RBPMS: variants seen among roughly 807,000 people sequenced by gnomAD.
RBPMS encodes RNA binding protein, mRNA processing factor.
In RBPMS, 7 loss-of-function variants were observed where a neutral mutation model predicts 26.8. The observed-to-expected ratio is 0.26, with a 90% CI of 0.15 to 0.49. The LOEUF is 0.49. Ranked by LOEUF, RBPMS falls within the 20% of genes least tolerant of loss-of-function variation. The pLI is 0.98. For synonymous variants in RBPMS, 96 were observed against 93.3 expected, an observed-to-expected ratio of 1.03 and a Z score of -0.17; for missense variants, 186 against 250.0, an observed-to-expected ratio of 0.74 and a Z score of 1.73.
intron 6 of RBPMS, among the ~76,000 whole-genome samples, chr8:30,550,574 T>C (rs946210010): frequency 6.6e-6 from 1 of 152,198 alleles, no homozygotes; most frequent in African/African-American, 2.4e-5. Flanking sequence ...TAACAGGGGC[T>C]GCTAGAGACC....
chr8:30,560,699 G>T lies in RBPMS; in HGVS notation c.*7+1743G>T, dbSNP rs188938053. ...ATTTCTTTACCCAAAGATTCTCAGA[G>T]CCTTTATTACCATATGAACATCATG... On this transcript the variant is annotated intron_variant, in intron 7 of 8. Coordinates refer to ENST00000397323, the MANE Select transcript of RBPMS (RefSeq NM_001008710.3). Among the ~76,000 whole-genome samples the T allele has an allele frequency of 1.2e-3, 178 of 152,240 alleles. 1 individual carries two copies. Among genetic ancestry groups the T allele is most frequent in the Admixed American group, 2.6e-3 (39 of 15,286 alleles).
intron 1 of RBPMS, among the ~76,000 whole-genome samples, chr8:30,471,322 G>A (rs1393361048): frequency 6.6e-6 from 1 of 152,036 alleles, no homozygotes; most frequent in African/African-American, 2.4e-5. Flanking sequence ...TTTATATTAA[G>A]TAACCTTTTG....
At chr8:30,448,561 G>A (rs1814147600) in intron 1 of RBPMS, among the ~76,000 whole-genome samples, 3 of 152,262 alleles carry the variant, frequency 2.0e-5, no homozygotes, top group Non-Finnish European at 2.9e-5. Context: ...AGCAGTGCAC[G>A]AAGCAGAGAA....
intron 5 of RBPMS, among the ~76,000 whole-genome samples, chr8:30,529,219 G>GA (rs1000114748): frequency 3.6e-4 from 52 of 143,388 alleles, no homozygotes; most frequent in East Asian, 1.2e-3. Flanking sequence ...CTGTCTCAAG[G>GA]AAAAAAAAAA....
At chr8:30,546,816 G>C (rs539704161) in intron 6 of RBPMS, among the ~76,000 whole-genome samples, 146 of 152,300 alleles carry the variant, frequency 9.6e-4, no homozygotes, top group African/African-American at 3.2e-3. Context: ...TTACAGATCA[G>C]CTGGTCTGAC....
In RBPMS at chr8:30,529,911, G is replaced by A. The variant is rs911719089; in HGVS notation, c.398-14583G>A. ...TGGGATTGCAGGCATGTGTCACCACGCCTGGCCAATTTTGTATTTTTTTAC... is the reference window on the plus strand; with the variant it reads ...TGGGATTGCAGGCATGTGTCACCACACCTGGCCAATTTTGTATTTTTTTAC... On this transcript the variant is annotated intron_variant, in intron 5 of 8. Transcript: ENST00000397323. Among the ~76,000 whole-genome samples the A allele has an allele frequency of 3.3e-5, 5 of 151,844 alleles. No individual in the cohort carries two copies. The East Asian group carries it at 7.8e-4, about 24-fold the overall frequency.
intron 5 of RBPMS, among the ~76,000 whole-genome samples, chr8:30,527,996 T>C (rs1823775347): frequency 6.6e-6 from 1 of 152,040 alleles, no homozygotes; most frequent in Non-Finnish European, 1.5e-5. Flanking sequence ...GTCAACATGG[T>C]GAAACCCCGT....
At chr8:30,388,395 A>G (rs183130848) in intron 1 of RBPMS, among the ~76,000 whole-genome samples, 2,089 of 150,848 alleles carry the variant, frequency 0.014, 23 homozygotes, top group Non-Finnish European at 0.022. Flanking sequence ...TTTCTGTCTT[A>G]TAGCTTATAA....
At chr8:30,540,375 C>A (rs1030004543) in intron 5 of RBPMS, among the ~76,000 whole-genome samples, 3 of 152,056 alleles carry the variant, frequency 2.0e-5, no homozygotes, top group Non-Finnish European at 2.9e-5. Context: ...GGAGTTTGGG[C>A]AGTATCCACA....
chr8:30,517,723 C>G (rs1822500721), intron 5 of RBPMS, among the ~76,000 whole-genome samples: 1 of 152,170 alleles, frequency 6.6e-6, no homozygotes, highest in South Asian at 2.1e-4. Flanking sequence ...TAAGGTAGAG[C>G]AAGTGTTCAG....
intron 5 of RBPMS, among the ~76,000 whole-genome samples, chr8:30,538,080 G>A (rs1478958924): frequency 2.6e-5 from 4 of 152,148 alleles, no homozygotes; most frequent in African/African-American, 9.7e-5. Flanking sequence ...TTGAAGCAAT[G>A]GAAATGACCA....
intron 1 of RBPMS, among the ~76,000 whole-genome samples, chr8:30,459,033 C>T (rs922807886): frequency 1.3e-4 from 20 of 151,498 alleles, no homozygotes; most frequent in Admixed American, 3.9e-4. Context: ...GCACGATCTC[C>T]GCTCACTGCA....
intron 5 of RBPMS, among the ~76,000 whole-genome samples, chr8:30,536,366 A>C (rs920454572): frequency 2.6e-4 from 40 of 152,148 alleles, no homozygotes; most frequent in African/African-American, 8.9e-4. Context: ...ACCTCAGGTG[A>C]TCCGCCCGCC....
At chr8:30,510,480 G>GTC (rs1250426097) in intron 5 of RBPMS, among the ~76,000 whole-genome samples, 5 of 150,334 alleles carry the variant, frequency 3.3e-5, no homozygotes, top group Non-Finnish European at 7.4e-5. Flanking sequence ...CTCATTGCTA[G>GTC]TCTCACATCA....
chr8:30,548,367 A>ACAC lies in RBPMS; in HGVS notation c.528+3746_528+3748dup, dbSNP rs1826028999. Among the ~76,000 whole-genome samples, 3 of 7,010 alleles carry ACAC rather than the reference A, an allele frequency of 4.3e-4. No homozygotes were observed. In the Admixed American group the frequency reaches 6.0e-3, roughly 14 times the overall value. 4.6% of individuals were successfully genotyped at this position (7,010 alleles called of 152,430 possible). A position where few individuals can be genotyped will look rare whatever the true frequency, so the allele number is the denominator to read the frequency against. ...ACTGTCCTTACCACATTCTCGAAACACACCATACACCCTGTACTTCAGGCA... is the reference window on the plus strand; with the variant it reads ...ACTGTCCTTACCACATTCTCGAAACACACCACCATACACCCTGTACTTCAGGCA... On this transcript the variant is annotated intron_variant, in intron 6 of 8. Coordinates refer to ENST00000397323, the MANE Select transcript of RBPMS (RefSeq NM_001008710.3).
chr8:30,385,144 C>T lies in RBPMS; in HGVS notation c.52C>T (p.Leu18Phe). Reference protein sequence around the residue: ...EKENTPSEANLQEEEVRTLFV... With the variant: ...EKENTPSEANFQEEEVRTLFV... ...GGAGAACACCCCGAGCGAGGCCAAC[C>T]TTCAGGAGGAGGAGGTACTGGGCGG... Residue 18 changes from leucine to phenylalanine, a missense_variant, in exon 1 of 9, where the codon CTT becomes TTT. Leu to Phe is a conservative substitution (Grantham distance 22). Transcript: ENST00000397323. 3 of 1,522,828 alleles carry T rather than the reference C, an allele frequency of 2.0e-6. No homozygotes were observed. The highest frequency in any genetic ancestry group is 2.6e-6 in the Non-Finnish European group (3 of 1,136,194). 94.3% of individuals were successfully genotyped at this position (1,522,828 alleles called of 1,614,324 possible).
At chr8:30,426,845 AACACACACAGAC>A (rs941382142) in intron 1 of RBPMS, among the ~76,000 whole-genome samples, 28 of 150,660 alleles carry the variant, frequency 1.9e-4, no homozygotes, top group African/African-American at 6.5e-4. Flanking sequence ...CTCCCCAGAA[AACACACACAGAC>A]ATACACACAA....
intron 5 of RBPMS, 82 bp from the exon 6 acceptor site, chr8:30,544,412 C>A: frequency 7.4e-7 from 1 of 1,350,964 alleles, no homozygotes; most frequent in Non-Finnish European, 1.0e-6. Flanking sequence ...GATTGGGGCT[C>A]GGGGTTGTTG....
At position 30,456,317 on chromosome 8, in the gene RBPMS, G is replaced by T. The variant is rs575537299; in HGVS notation, c.67-18462G>T. 2.6e-5 allele frequency among the ~76,000 whole-genome samples: 4 copies of T among 152,254 alleles called. No homozygotes were observed. The South Asian group carries it at 8.3e-4, about 32-fold the overall frequency. ...ATGATGCTTGTGCTAGCCTTAAAAG[G>T]TCATCGAAGGTCTGTGAGCCAGTTG... On this transcript the variant is annotated intron_variant, in intron 1 of 8. Transcript: ENST00000397323.
Sources: gnomAD v4.1 joint callset for allele counts (sites outside exome capture counted in the v4.1 genomes callset) on GRCh38, gnomAD v4.1.1 for gene constraint, MANE v1.5 for transcripts, NCBI Gene and HGNC (gene_info 2026-07-23, HGNC 2026-07-21) for gene names.